Variants in TLN2 observed in about 807,000 individuals in gnomAD.
The protein encoded by TLN2 is talin 2.
A neutral mutation model predicts 294.7 loss-of-function variants in TLN2; 118 were observed. The observed-to-expected ratio is 0.40, with a 90% CI of 0.34 to 0.47. The LOEUF (loss-of-function observed/expected upper bound fraction) is 0.47, where lower values mean the gene tolerates loss of function less well. TLN2 is among the 20% of genes least tolerant of loss of function. The pLI is 0.84. For synonymous variants in TLN2, 1,431 were observed against 1,304.5 expected (o/e 1.10, Z -2.09); for missense variants, 3,083 against 3,282.2 (o/e 0.94, Z 1.48).
chr15:62,693,955 C>CTT (rs71131123), intron 13 of TLN2, among the ~76,000 whole-genome samples: 39 of 94,140 alleles, frequency 4.1e-4, no homozygotes, highest in African/African-American at 1.4e-3. Context: ...GATTTTCTTT[C>CTT]TTTTTTTTTT....
At chr15:62,614,199 G>A (rs954636239) in intron 2 of TLN2, among the ~76,000 whole-genome samples, 2 of 152,190 alleles carry the variant, frequency 1.3e-5, no homozygotes, top group African/African-American at 2.4e-5. Context: ...CTGTGCTGCT[G>A]TAGCACAGAA....
intron 1 of TLN2, among the ~76,000 whole-genome samples, chr15:62,529,493 T>G (rs2164238): frequency 6.6e-6 from 1 of 150,626 alleles, no homozygotes; most frequent in Non-Finnish European, 1.5e-5. Context: ...TGCCCCATCC[T>G]GTCTCCAATC....
At chr15:62,481,822 G>T (rs2038115195) in intron 1 of TLN2, among the ~76,000 whole-genome samples, 2 of 124,418 alleles carry the variant, frequency 1.6e-5, no homozygotes, top group Non-Finnish European at 1.7e-5. Context: ...TTTTAAGACG[G>T]AGTCTCTCTC....
chr15:62,640,050 G>A (rs1037512717), intron 3 of TLN2: 1 of 416,944 alleles, frequency 2.4e-6, no homozygotes, highest in African/African-American at 2.0e-5. Flanking sequence ...GCAAGCTTCA[G>A]GGTACCTGAG....
chr15:62,489,213 T>A (rs1056939483), intron 1 of TLN2, among the ~76,000 whole-genome samples: 10 of 152,146 alleles, frequency 6.6e-5, no homozygotes, highest in Non-Finnish European at 1.2e-4. Context: ...ATGAATGACA[T>A]GAAGGTATAC....
At chr15:62,569,422 C>T (rs12592832) in intron 1 of TLN2, among the ~76,000 whole-genome samples, 30,056 of 152,182 alleles carry the variant, frequency 0.2, 3,697 homozygotes, top group East Asian at 0.55. Flanking sequence ...TAGAGTCTCT[C>T]TTCCCTCTTA....
chr15:62,759,018 C>G (rs1288875305), intron 37 of TLN2, among the ~76,000 whole-genome samples: 1 of 152,186 alleles, frequency 6.6e-6, no homozygotes, highest in Non-Finnish European at 1.5e-5. Flanking sequence ...TAAGGGGGAA[C>G]ACTTGGAGCA....
At chr15:62,769,288 G>T (rs934731944) in intron 41 of TLN2, among the ~76,000 whole-genome samples, 3 of 152,240 alleles carry the variant, frequency 2.0e-5, no homozygotes, top group Non-Finnish European at 2.9e-5. Context: ...GGTGACACCA[G>T]TGCCCTTCCT....
chr15:62,806,290 C>G (rs1035402307), intron 51 of TLN2, among the ~76,000 whole-genome samples: 2 of 152,214 alleles, frequency 1.3e-5, no homozygotes, highest in Admixed American at 1.3e-4. Context: ...ATGGAGTCAG[C>G]CTTGCTGGCC....
At chr15:62,653,770 A>G (rs909348610) in intron 7 of TLN2, among the ~76,000 whole-genome samples, 1 of 152,222 alleles carries the variant, frequency 6.6e-6, no homozygotes, top group African/African-American at 2.4e-5. Flanking sequence ...AGTAATTGTA[A>G]TACCATTTCA....
chr15:62,695,556 C>T (rs75492836), intron 14 of TLN2, among the ~76,000 whole-genome samples: 14,552 of 152,232 alleles, frequency 0.096, 1,403 homozygotes, highest in African/African-American at 0.25. Flanking sequence ...TCCCATAGTA[C>T]GCTGCTAGAA....
chr15:62,528,711 G>C (rs981638495), intron 1 of TLN2, among the ~76,000 whole-genome samples: 2 of 115,914 alleles, frequency 1.7e-5, no homozygotes, highest in African/African-American at 7.0e-5. Context: ...AGGCAAACAA[G>C]TCGGGTCAGA....
Position 62,686,779 on chromosome 15 carries a change from C to G in TLN2, c.1096C>G (p.Pro366Ala), listed in dbSNP as rs779996365. Residue 366 changes from proline to alanine, a missense_variant, in exon 12 of 59, where the codon CCC becomes GCC. Physicochemically the swap from Pro to Ala is conservative, Grantham distance 27. Coordinates refer to ENST00000636159, the MANE Select transcript of TLN2 (RefSeq NM_015059.3). ...CACCGTCAAGCGCTGGGCAGCCTCACCCAAGAGCTTCACACTGGTAGGGAC... is the reference window on the plus strand; with the variant it reads ...CACCGTCAAGCGCTGGGCAGCCTCAGCCAAGAGCTTCACACTGGTAGGGAC... ...LTTVKRWAAS[P>A]KSFTLDFGEY... 4 of 1,613,112 alleles carry G rather than the reference C, an allele frequency of 2.5e-6. No homozygotes were observed. The highest frequency in any genetic ancestry group is 3.4e-6 in the Non-Finnish European group (4 of 1,179,878).
chr15:62,702,265 T>C lies in TLN2; in HGVS notation c.1905+65T>C, dbSNP rs968015354. On this transcript the variant is annotated intron_variant, in intron 18 of 58. Transcript: ENST00000636159. ...GACAGCTGCATCCACTGGGGGACCATGGGGCTCTTGCTTCCCGAGCTGTTC... is the reference window on the plus strand; with the variant it reads ...GACAGCTGCATCCACTGGGGGACCACGGGGCTCTTGCTTCCCGAGCTGTTC... The C allele has an allele frequency of 2.7e-5, 40 of 1,492,140 alleles. 2 individuals are homozygous for C. The African/African-American group carries it at 4.2e-4, about 16-fold the overall frequency. The allele number at this position is 1,492,140 out of a possible 1,614,324, so 92.4% of individuals were successfully genotyped here. A position where few individuals can be genotyped will look rare whatever the true frequency, so the allele number is the denominator to read the frequency against.
chr15:62,648,738 G>C (rs555301412), intron 4 of TLN2, among the ~76,000 whole-genome samples: 1 of 151,814 alleles, frequency 6.6e-6, no homozygotes, highest in Admixed American at 6.6e-5. Context: ...TAGTAGAGAC[G>C]GGGTTTCACC....
At chr15:62,411,725 C>T (rs1297547773) in intron 1 of TLN2, among the ~76,000 whole-genome samples, 3 of 152,022 alleles carry the variant, frequency 2.0e-5, no homozygotes, top group Non-Finnish European at 4.4e-5. Context: ...AGGACTTAGG[C>T]CCTACTGACA....
intron 1 of TLN2, among the ~76,000 whole-genome samples, chr15:62,583,133 C>T (rs1231041455): frequency 2.0e-5 from 3 of 152,122 alleles, no homozygotes; most frequent in East Asian, 1.9e-4. Flanking sequence ...GTTGTAACAT[C>T]TCAGGGTTAT....
intron 1 of TLN2, among the ~76,000 whole-genome samples, chr15:62,432,617 A>G (rs2035069820): frequency 6.6e-6 from 1 of 152,214 alleles, no homozygotes; most frequent in Admixed American, 6.5e-5. Flanking sequence ...AATGTGTGTT[A>G]TGTGATTTGA....
At chr15:62,741,748 C>CGCGCGCGCGTGTGTGT in intron 32 of TLN2, among the ~76,000 whole-genome samples, 4 of 131,164 alleles carry the variant, frequency 3.0e-5, no homozygotes, top group South Asian at 2.7e-4. Flanking sequence ...AAAATTTGCG[C>CGCGCGCGCGTGTGTGT]GTGTGTGTGT....
Sources: gnomAD v4.1 joint callset for allele counts (sites outside exome capture counted in the v4.1 genomes callset) on GRCh38, gnomAD v4.1.1 for gene constraint, MANE v1.5 for transcripts, NCBI Gene and HGNC (gene_info 2026-07-23, HGNC 2026-07-21) for gene names.